The following SMOC2 variants were observed in gnomAD, a reference collection of about 807,000 sequenced individuals.
SMOC2 encodes the protein SPARC-related modular calcium-binding protein 2.
SMOC2 carries 39 observed loss-of-function variants against 61.4 expected under a neutral mutation model. The ratio of observed to expected loss-of-function variants is 0.64; its 90% CI spans 0.49 to 0.83. SMOC2 has a LOEUF of 0.83. Among genes scored for constraint, SMOC2 ranks in the 40% least tolerant of loss-of-function variants. The pLI is 0.00. For synonymous variants in SMOC2, 247 were observed against 239.9 expected, an observed-to-expected ratio of 1.03 and a Z score of -0.27; for missense variants, 556 against 592.9, an observed-to-expected ratio of 0.94 and a Z score of 0.65.
chr6:168,657,387 T>G (rs2115282230), intron 11 of SMOC2, among the ~76,000 whole-genome samples: 1 of 152,358 alleles, frequency 6.6e-6, no homozygotes, highest in South Asian at 2.1e-4. Context: ...TGGGCTACAC[T>G]TGCTGTTAGG....
intron 1 of SMOC2, among the ~76,000 whole-genome samples, chr6:168,502,459 G>A (rs773242365): frequency 5.3e-5 from 8 of 152,172 alleles, no homozygotes; most frequent in Non-Finnish European, 8.8e-5. Flanking sequence ...CACCTTCTGC[G>A]TATTTATTGG....
chr6:168,643,381 G>A (rs965097857), intron 9 of SMOC2, among the ~76,000 whole-genome samples: 5 of 152,166 alleles, frequency 3.3e-5, no homozygotes. Context: ...CCTCAACTTT[G>A]TTCCCTAGGA....
At position 168,530,637 on chromosome 6, in the gene SMOC2, A is replaced by ACCCCCCCCC. The variant is rs3064057; in HGVS notation, c.463+2915_463+2923dup. Among the ~76,000 whole-genome samples, 763 of 120,254 alleles carry ACCCCCCCCC rather than the reference A, an allele frequency of 6.3e-3. 3 individuals are homozygous for ACCCCCCCCC. Among genetic ancestry groups the ACCCCCCCCC allele is most frequent in the African/African-American group, 0.014 (331 of 24,512 alleles). The allele number at this position is 120,254 out of a possible 152,430, so 78.9% of individuals were successfully genotyped here. On this transcript the variant is annotated intron_variant, in intron 4 of 12. Coordinates refer to ENST00000356284, the MANE Select transcript of SMOC2 (RefSeq NM_001166412.2). ...AAATGCAAATTAAAGTCACGGTGCA[A>ACCCCCCCCC]CCCCCCCCCCCCCGCCCCCACACCC...
At chr6:168,503,891 C>T (rs1223092422) in intron 1 of SMOC2, among the ~76,000 whole-genome samples, 1 of 152,164 alleles carries the variant, frequency 6.6e-6, no homozygotes, top group Admixed American at 6.5e-5. Flanking sequence ...TCGTTGGCCT[C>T]ATCTGTGTCA....
At chr6:168,634,568 A>G (rs1011238678) in intron 9 of SMOC2, among the ~76,000 whole-genome samples, 1 of 152,242 alleles carries the variant, frequency 6.6e-6, no homozygotes, top group Non-Finnish European at 1.5e-5. Context: ...TTAAAAGTTC[A>G]TGGTCCTGAG....
chr6:168,642,343 T>C (rs1383907495), intron 9 of SMOC2, among the ~76,000 whole-genome samples: 2 of 152,234 alleles, frequency 1.3e-5, no homozygotes, highest in Non-Finnish European at 2.9e-5. Context: ...CTACGTTGGA[T>C]TGGCCAAAAC....
At chr6:168,615,868 A>T (rs76207507) in intron 9 of SMOC2, among the ~76,000 whole-genome samples, 37,198 of 147,058 alleles carry the variant, frequency 0.25, 5,266 homozygotes, top group Non-Finnish European at 0.27. Flanking sequence ...GATTTTTCAG[A>T]CACGATTTTA....
At chr6:168,509,658 A>G (rs1432191701) in intron 1 of SMOC2, among the ~76,000 whole-genome samples, 2 of 152,226 alleles carry the variant, frequency 1.3e-5, no homozygotes, top group Non-Finnish European at 2.9e-5. Context: ...TCAAAGATCA[A>G]TGATTCACAT....
chr6:168,512,448 C>T (rs1783030688), intron 2 of SMOC2, among the ~76,000 whole-genome samples: 1 of 152,182 alleles, frequency 6.6e-6, no homozygotes, highest in African/African-American at 2.4e-5. Flanking sequence ...GAGGGGTGAG[C>T]TACTTTCAAA....
chr6:168,649,879 C>A (rs933961746), intron 9 of SMOC2, among the ~76,000 whole-genome samples: 3 of 152,190 alleles, frequency 2.0e-5, no homozygotes, highest in African/African-American at 7.2e-5. Flanking sequence ...GCTACTGGGG[C>A]AGTAGCACCG....
chr6:168,467,178 C>T (rs1294002817), intron 1 of SMOC2, among the ~76,000 whole-genome samples: 1 of 149,060 alleles, frequency 6.7e-6, no homozygotes, highest in Non-Finnish European at 1.5e-5. Context: ...CACACACACA[C>T]ACACGTTTAT....
chr6:168,463,210 T>C (rs1781753994), intron 1 of SMOC2, among the ~76,000 whole-genome samples: 1 of 152,148 alleles, frequency 6.6e-6, no homozygotes, highest in African/African-American at 2.4e-5. Flanking sequence ...AGAATTGTCT[T>C]CCTAATATTA....
chr6:168,598,913 C>A lies in SMOC2; in HGVS notation c.733C>A (p.Leu245Ile), dbSNP rs777247241. ...GATCCCTGAGTGTGCGCACGGCGGC[C>A]TCTACAAGCCAGTGCAGTGCCACCC... Reference protein sequence around the residue: ...VVIPECAHGGLYKPVQCHPST... With the variant: ...VVIPECAHGGIYKPVQCHPST... The change falls in exon 8 of 13, where the codon CTC (leucine) becomes ATC (isoleucine). Residue 245 changes from leucine (L) to isoleucine (I), a missense_variant. Coordinates refer to ENST00000356284, the MANE Select transcript of SMOC2 (RefSeq NM_001166412.2). 1.2e-6 allele frequency: 2 copies of A among 1,612,992 alleles called. No homozygotes were observed. Among genetic ancestry groups the A allele is most frequent in the Non-Finnish European group, 1.7e-6 (2 of 1,179,696 alleles).
chr6:168,452,685 TAGC>T lies in SMOC2; in HGVS notation c.84+11235_84+11237del, dbSNP rs1356916169. Among the ~76,000 whole-genome samples, 1 of 152,226 alleles carries T rather than the reference TAGC, an allele frequency of 6.6e-6. No individual in the cohort carries two copies. Among genetic ancestry groups the T allele is most frequent in the Non-Finnish European group, 1.5e-5 (1 of 68,034 alleles). ...TCTGAAGGAAATTTTGAAAAATCAT[TAGC>T]AGCTGTCATTTAGATTTGTACACCA... On this transcript the variant is annotated intron_variant, in intron 1 of 12. Transcript: ENST00000356284. The surrounding 1 kb of genome is among the most constrained non-coding windows in gnomAD (Gnocchi z 5.0).
intron 1 of SMOC2, among the ~76,000 whole-genome samples, chr6:168,502,416 G>A (rs140886144): frequency 4.9e-4 from 74 of 152,296 alleles, no homozygotes; most frequent in African/African-American, 1.7e-3. Context: ...TTGCCAGCCC[G>A]ATGGCCCTCC....
chr6:168,663,448 C>T (rs986486419), intron 11 of SMOC2, among the ~76,000 whole-genome samples: 5 of 152,216 alleles, frequency 3.3e-5, no homozygotes, highest in African/African-American at 9.7e-5. Context: ...GCTTCACTTC[C>T]GGCACCCCAG....
At chr6:168,583,631 A>G (rs1487769421) in intron 7 of SMOC2, among the ~76,000 whole-genome samples, 1 of 152,156 alleles carries the variant, frequency 6.6e-6, no homozygotes, top group Non-Finnish European at 1.5e-5. Flanking sequence ...GAGGCACACG[A>G]AAGCCGGGCC....
intron 9 of SMOC2, among the ~76,000 whole-genome samples, chr6:168,634,326 G>A (rs1375210946): frequency 1.3e-5 from 2 of 152,198 alleles, no homozygotes; most frequent in African/African-American, 4.8e-5. Context: ...ATGAGACCGT[G>A]TCTGTAACTT....
Position 168,555,099 on chromosome 6 carries a change from C to T in SMOC2, c.637+5896C>T, listed in dbSNP as rs73789107. Among the ~76,000 whole-genome samples, 1,042 of 152,352 alleles carry T rather than the reference C, an allele frequency of 6.8e-3. 17 individuals carry two copies. Among genetic ancestry groups the T allele is most frequent in the African/African-American group, 0.024 (993 of 41,582 alleles). ...GCTCAGCGCTCGCCTGCAAGCGCAGCTCAGGGCTTCCCTGGGGCCAGCTCC... is the reference window on the plus strand; with the variant it reads ...GCTCAGCGCTCGCCTGCAAGCGCAGTTCAGGGCTTCCCTGGGGCCAGCTCC... On this transcript the variant is annotated intron_variant, in intron 7 of 12. Transcript: ENST00000356284.
Sources: allele counts gnomAD v4.1 joint callset (sites outside exome capture counted in the v4.1 genomes callset), GRCh38; gene constraint gnomAD v4.1.1; non-coding constraint Gnocchi (gnomAD v3.1); transcripts MANE v1.5; gene names NCBI Gene and HGNC (gene_info 2026-07-23, HGNC 2026-07-21).